Variants in SAMD12 observed in about 807,000 individuals in gnomAD.
SAMD12 encodes sterile alpha motif domain containing 12, also known as sterile alpha motif domain-containing protein 12.
In SAMD12, 9 loss-of-function variants were observed where a neutral mutation model predicts 15.0. That is an observed-to-expected ratio of 0.60 (90% CI 0.36 to 1.05). The LOEUF is 1.05. SAMD12 is among the 50% of genes least tolerant of loss of function. The pLI is 0.01. For missense variants in SAMD12, 230 were observed against 234.2 expected (o/e 0.98, Z 0.12); for synonymous variants, 86 against 90.1 (o/e 0.96, Z 0.25).
At chr8:118,143,181 A>T in the SAMD12 span, among the ~76,000 whole-genome samples, 1 of 152,138 alleles carries the variant, frequency 6.6e-6, no homozygotes, top group South Asian at 2.1e-4. Flanking sequence ...TGATTTATGG[A>T]GAATCATTTG....
chr8:118,233,603 G>C (rs1191998492), intron 4 of SAMD12, among the ~76,000 whole-genome samples: 1 of 152,166 alleles, frequency 6.6e-6, no homozygotes, highest in Admixed American at 6.5e-5. Context: ...GGTATCAAGT[G>C]CTTGGGATAG....
intron 4 of SAMD12, among the ~76,000 whole-genome samples, chr8:118,208,764 T>G (rs1819937895): frequency 6.6e-6 from 1 of 152,186 alleles, no homozygotes; most frequent in South Asian, 2.1e-4. Flanking sequence ...ACAGCGCCAC[T>G]CTGTAGTGGA....
chr8:118,537,419 CT>C (rs1825874544), intron 2 of SAMD12, among the ~76,000 whole-genome samples: 1 of 152,108 alleles, frequency 6.6e-6, no homozygotes, highest in Admixed American at 6.5e-5. Flanking sequence ...AGATTTGCCC[CT>C]TTGAGGCATT....
In SAMD12 at chr8:118,539,084, A is replaced by G. The variant is rs553051613; in HGVS notation, c.192+41631T>C. Among the ~76,000 whole-genome samples, 169 of 152,334 alleles carry G rather than the reference A, an allele frequency of 1.1e-3. 1 individual carries two copies. The highest frequency in any genetic ancestry group is 1.8e-3 in the Non-Finnish European group (120 of 68,034). ...TATGTGAGGCATTCCACATTAAAAC[A>G]TTATTACATTCAGCACAAACGGCCT... On this transcript the variant is annotated intron_variant, in intron 2 of 3. Coordinates refer to ENST00000314727, the MANE Select transcript of SAMD12 (RefSeq NM_207506.3).
intron 4 of SAMD12, among the ~76,000 whole-genome samples, chr8:118,268,933 C>A (rs2130099249): frequency 6.6e-6 from 1 of 152,292 alleles, no homozygotes. Flanking sequence ...AGACTCTATT[C>A]TACCTTCTTT....
intron 2 of SAMD12, among the ~76,000 whole-genome samples, chr8:118,454,303 G>A (rs1394040030): frequency 6.6e-6 from 1 of 152,182 alleles, no homozygotes; most frequent in East Asian, 1.9e-4. Context: ...ATGTTGCTGT[G>A]AGAAATCCAA....
chr8:118,381,476 T>C (rs1819666646), intron 3 of SAMD12, among the ~76,000 whole-genome samples: 1 of 152,234 alleles, frequency 6.6e-6, no homozygotes, highest in Admixed American at 6.5e-5. Flanking sequence ...AAAGGGACTT[T>C]GCAAATGTGA....
At chr8:118,539,129 G>A (rs1267370326) in intron 2 of SAMD12, among the ~76,000 whole-genome samples, 1 of 152,168 alleles carries the variant, frequency 6.6e-6, no homozygotes, top group African/African-American at 2.4e-5. Flanking sequence ...ACTCACATCT[G>A]CTGCATTGCT....
chr8:118,551,311 A>AT (rs1329245194), intron 2 of SAMD12, among the ~76,000 whole-genome samples: 1 of 152,202 alleles, frequency 6.6e-6, no homozygotes, highest in Non-Finnish European at 1.5e-5. Context: ...AAGAACAGAA[A>AT]TTATAACAAA....
intron 1 of SAMD12, among the ~76,000 whole-genome samples, chr8:118,608,689 A>C (rs1828037080): frequency 6.6e-6 from 1 of 152,054 alleles, no homozygotes. Flanking sequence ...TTTTTAGTAG[A>C]GACAGGGTTT....
chr8:118,553,188 G>C (rs1380492190), intron 2 of SAMD12, among the ~76,000 whole-genome samples: 2 of 152,080 alleles, frequency 1.3e-5, no homozygotes, highest in East Asian at 3.9e-4. Context: ...CTACTTTAAA[G>C]TTCATATGGA....
chr8:118,140,576 T>A, the SAMD12 span, among the ~76,000 whole-genome samples: 2 of 152,174 alleles, frequency 1.3e-5, no homozygotes, highest in Non-Finnish European at 2.9e-5. Context: ...CTGGCCTTTG[T>A]CTGTCTTATG....
At chr8:118,441,520 C>T (rs1296360576) in intron 2 of SAMD12, among the ~76,000 whole-genome samples, 1 of 151,864 alleles carries the variant, frequency 6.6e-6, no homozygotes, top group Non-Finnish European at 1.5e-5. Flanking sequence ...AAAATAATCA[C>T]AATGCTGATC....
intron 4 of SAMD12, among the ~76,000 whole-genome samples, chr8:118,333,977 G>GTGTC (rs1406133926): frequency 1.3e-5 from 2 of 148,782 alleles, no homozygotes; most frequent in Admixed American, 6.7e-5. Flanking sequence ...GGGTGTGTCT[G>GTGTC]TGTGTGTGTG....
chr8:118,532,698 T>G (rs1269219049), intron 2 of SAMD12, among the ~76,000 whole-genome samples: 1 of 152,230 alleles, frequency 6.6e-6, no homozygotes, highest in Non-Finnish European at 1.5e-5. Context: ...TTTATCAGTT[T>G]CCTCTAGATT....
intron 4 of SAMD12, among the ~76,000 whole-genome samples, chr8:118,231,858 G>A (rs1456398948): frequency 2.0e-5 from 3 of 151,584 alleles, no homozygotes; most frequent in African/African-American, 4.9e-5. Context: ...AGAACGTGGT[G>A]TGAACAACAG....
In SAMD12 at chr8:118,304,083, C is replaced by T. The variant is rs77201773; in HGVS notation, c.433+75477G>A. On this transcript the variant is annotated intron_variant, in intron 4 of 4. Coordinates refer to the SAMD12 transcript ENST00000409003. ...TCCTTCAAAGGATGCCTTGTGGGCC[C>T]GGGTTCTCCGCTCTTCTCCTATTCT... Among the ~76,000 whole-genome samples, 10 of 152,238 alleles carry T rather than the reference C, an allele frequency of 6.6e-5. No homozygotes were observed. In the East Asian group the frequency reaches 1.7e-3, roughly 26 times the overall value.
rs113146347 is a variant in SAMD12, at chr8:118,291,759, C to G, written c.433+87801G>C. ...CCATGTAAACTGTCATGTGTTTTCT[C>G]GGTTGAAGCCACAAGCTGCTTCCTG... On this transcript the variant is annotated intron_variant, in intron 4 of 4. Coordinates refer to the SAMD12 transcript ENST00000409003. 3.4e-3 allele frequency among the ~76,000 whole-genome samples: 512 copies of G among 151,476 alleles called. 3 individuals carry two copies. The highest frequency in any genetic ancestry group is 0.012 in the African/African-American group (489 of 41,396).
intron 4 of SAMD12, among the ~76,000 whole-genome samples, chr8:118,313,562 G>A (rs1266874848): frequency 6.6e-6 from 1 of 152,082 alleles, no homozygotes; most frequent in Non-Finnish European, 1.5e-5. Context: ...AATTCTTTCT[G>A]TCTATAGAAA....
Sources: gnomAD v4.1 joint callset for allele counts (sites outside exome capture counted in the v4.1 genomes callset) on GRCh38, gnomAD v4.1.1 for gene constraint, MANE v1.5 for transcripts, NCBI Gene and HGNC (gene_info 2026-07-23, HGNC 2026-07-21) for gene names.